Variants in LMCD1 observed in about 807,000 individuals in gnomAD.
LMCD1 encodes LIM and cysteine-rich domains protein 1.
In LMCD1, 32 loss-of-function variants were observed where a neutral mutation model predicts 42.7. That is an observed-to-expected ratio of 0.75 (90% CI 0.57 to 1.01). The LOEUF (loss-of-function observed/expected upper bound fraction) is 1.01. LMCD1 is among the 50% of genes least tolerant of loss of function. The probability of loss-of-function intolerance (pLI) is 0.00; values close to 1 mark genes in which losing one functional copy is unlikely to be tolerated. For synonymous variants in LMCD1, 178 were observed against 184.9 expected (o/e 0.96, Z 0.30); for missense variants, 458 against 483.1 (o/e 0.95, Z 0.49).
At chr3:8,523,533 A>G (rs1165609389) in intron 1 of LMCD1, among the ~76,000 whole-genome samples, 1 of 152,084 alleles carries the variant, frequency 6.6e-6, no homozygotes, top group Admixed American at 6.6e-5. Flanking sequence ...TGCAAGTCTC[A>G]CTCTTTCATA....
chr3:8,525,975 C>G (rs1448040242), intron 1 of LMCD1, among the ~76,000 whole-genome samples: 1 of 152,202 alleles, frequency 6.6e-6, no homozygotes, highest in Admixed American at 6.5e-5. Flanking sequence ...CCTCGATACT[C>G]AAAGCGTGGT....
chr3:8,550,599 G>A, intron 4 of LMCD1: 5 of 985,216 alleles, frequency 5.1e-6, no homozygotes, highest in Non-Finnish European at 6.0e-6. Context: ...CAAAGAACAA[G>A]ATTTATTTCC....
At chr3:8,559,021 A>AC (rs80037380) in intron 4 of LMCD1, among the ~76,000 whole-genome samples, 20,335 of 151,950 alleles carry the variant, frequency 0.13, 1,853 homozygotes, top group East Asian at 0.38. Context: ...CCTGAGAACC[A>AC]CTGTCTCCAG....
At chr3:8,555,903 C>G (rs1302796116) in intron 4 of LMCD1, among the ~76,000 whole-genome samples, 1 of 152,120 alleles carries the variant, frequency 6.6e-6, no homozygotes, top group African/African-American at 2.4e-5. Context: ...AATATCTAAA[C>G]AGATGACCCT....
At chr3:8,519,615 T>A (rs557567417) in intron 1 of LMCD1, among the ~76,000 whole-genome samples, 8 of 152,198 alleles carry the variant, frequency 5.3e-5, no homozygotes, top group African/African-American at 1.9e-4. Flanking sequence ...ATGACTTTCT[T>A]ACATGCAGAA....
chr3:8,551,068 C>T (rs1176668099), intron 4 of LMCD1: 1 of 985,262 alleles, frequency 1.0e-6, no homozygotes, highest in African/African-American at 1.7e-5. Context: ...AGTAGGGATT[C>T]CAAAGGAAGC....
chr3:8,521,556 T>C (rs986052013), intron 1 of LMCD1, among the ~76,000 whole-genome samples: 1 of 152,218 alleles, frequency 6.6e-6, no homozygotes, highest in Non-Finnish European at 1.5e-5. Flanking sequence ...TGTCCAAACG[T>C]CCCTCACATC....
At chr3:8,518,223 A>G (rs1017095045) in intron 1 of LMCD1, among the ~76,000 whole-genome samples, 1 of 152,224 alleles carries the variant, frequency 6.6e-6, no homozygotes, top group Non-Finnish European at 1.5e-5. Context: ...GATATTCCAA[A>G]GCAATGAGCC....
intron 3 of LMCD1, 103 bp downstream of exon 3, chr3:8,537,543 G>T: frequency 7.6e-7 from 1 of 1,324,208 alleles, no homozygotes; most frequent in South Asian, 1.6e-5. Context: ...AGAGCTCAAG[G>T]TCACAAAAAT....
intron 4 of LMCD1, chr3:8,549,899 C>T (rs1694809968): frequency 5.2e-6 from 4 of 767,796 alleles, no homozygotes; most frequent in African/African-American, 3.4e-5. Flanking sequence ...GTGTGATAAC[C>T]CATTAATCTA....
chr3:8,565,784 G>T (rs1695122924), intron 5 of LMCD1, 137 bp downstream of exon 5: 1 of 784,936 alleles, frequency 1.3e-6, no homozygotes, highest in Non-Finnish European at 2.0e-6. Flanking sequence ...CTCACTGCAT[G>T]CTCTCAACCT....
At position 8,574,661 on chromosome 3, in the gene LMCD1, T is replaced by A. The variant is rs893977579; in HGVS notation, c.*7063T>A. ...TTTAAAGGCCTAAATAAAATGATATTCCCTGAAGGAAATGTCCAGAGGGTT... is the reference window on the plus strand; with the variant it reads ...TTTAAAGGCCTAAATAAAATGATATACCCTGAAGGAAATGTCCAGAGGGTT... On this transcript the variant is annotated 3_prime_UTR_variant, in exon 6 of 6. Transcript: ENST00000157600. 7 of 152,300 alleles carry A rather than the reference T, an allele frequency of 4.6e-5. 1 individual carries two copies. Among genetic ancestry groups the A allele is most frequent in the Admixed American group, 1.3e-4 (2 of 15,290 alleles). The allele number at this position is 152,300 out of a possible 1,614,324, so 9.4% of individuals were successfully genotyped here. A position where few individuals can be genotyped will look rare whatever the true frequency, so the allele number is the denominator to read the frequency against.
At position 8,574,656 on chromosome 3, in the gene LMCD1, G is replaced by A. The variant is rs1365242022; in HGVS notation, c.*7058G>A. 6.6e-6 allele frequency: 1 copy of A among 152,072 alleles called. No homozygotes were observed. The highest frequency in any genetic ancestry group is 2.4e-5 in the African/African-American group (1 of 41,418). 9.4% of individuals were successfully genotyped at this position (152,072 alleles called of 1,614,324 possible). ...ATGTTTTTAAAGGCCTAAATAAAAT[G>A]ATATTCCCTGAAGGAAATGTCCAGA... On this transcript the variant is annotated 3_prime_UTR_variant, in exon 6 of 6. Coordinates refer to ENST00000157600, the MANE Select transcript of LMCD1 (RefSeq NM_014583.4).
At chr3:8,519,900 G>A (rs1225600171) in intron 1 of LMCD1, among the ~76,000 whole-genome samples, 1 of 151,328 alleles carries the variant, frequency 6.6e-6, no homozygotes. Flanking sequence ...TTTTCCATGT[G>A]CACACACGTG....
chr3:8,509,665 G>C (rs1294828325), intron 1 of LMCD1, among the ~76,000 whole-genome samples: 1 of 152,040 alleles, frequency 6.6e-6, no homozygotes, highest in African/African-American at 2.4e-5. Context: ...TGTGTTCCTT[G>C]ACCTCTCCCC....
At chr3:8,551,313 T>G in intron 4 of LMCD1, 1 of 985,462 alleles carries the variant, frequency 1.0e-6, no homozygotes, top group Non-Finnish European at 1.2e-6. Flanking sequence ...TGGGATCTAT[T>G]TGGATGGCCA....
intron 3 of LMCD1, among the ~76,000 whole-genome samples, chr3:8,540,849 G>T (rs1335846407): frequency 6.6e-6 from 1 of 152,174 alleles, no homozygotes; most frequent in Non-Finnish European, 1.5e-5. Flanking sequence ...GGCCCGTGAG[G>T]AGCCAATGCA....
chr3:8,505,915 A>G (rs1401612001), intron 1 of LMCD1, among the ~76,000 whole-genome samples: 1 of 152,246 alleles, frequency 6.6e-6, no homozygotes, highest in Non-Finnish European at 1.5e-5. Flanking sequence ...TGGCTCTCTC[A>G]ATCTTAAAAA....
At chr3:8,556,791 G>A (rs1179827364) in intron 4 of LMCD1, among the ~76,000 whole-genome samples, 11 of 152,202 alleles carry the variant, frequency 7.2e-5, no homozygotes, top group African/African-American at 1.4e-4. Context: ...TCTCTTACAC[G>A]TGTAGCATTT....
Sources: gnomAD v4.1 joint callset for allele counts (sites outside exome capture counted in the v4.1 genomes callset) on GRCh38, gnomAD v4.1.1 for gene constraint, MANE v1.5 for transcripts, NCBI Gene and HGNC (gene_info 2026-07-23, HGNC 2026-07-21) for gene names.